NXPH1: variants seen among roughly 807,000 people sequenced by gnomAD.
NXPH1 encodes neurexophilin 1.
In NXPH1, 5 loss-of-function variants were observed where a neutral mutation model predicts 23.7. That is an observed-to-expected ratio of 0.21 (90% CI 0.11 to 0.44). The LOEUF is 0.44. Ranked by LOEUF, NXPH1 falls within the 20% of genes least tolerant of loss-of-function variation. The probability of loss-of-function intolerance (pLI) is 0.99; values close to 1 mark genes in which losing one functional copy is unlikely to be tolerated. For missense variants in NXPH1, 324 were observed against 321.6 expected (o/e 1.01, Z -0.06); for synonymous variants, 144 against 122.2 (o/e 1.18, Z -1.18).
intron 2 of NXPH1, among the ~76,000 whole-genome samples, chr7:8,438,547 T>C (rs1206077841): frequency 1.3e-5 from 2 of 152,228 alleles, no homozygotes; most frequent in African/African-American, 4.8e-5. Flanking sequence ...TCAGTGCACC[T>C]TGACCTTTAA....
rs1780493118 is a variant in NXPH1, at chr7:8,747,607, A to G, written c.55-3401A>G. 7.9e-5 allele frequency among the ~76,000 whole-genome samples: 12 copies of G among 152,234 alleles called. No individual in the cohort carries two copies. The South Asian group carries it at 2.5e-3, about 31-fold the overall frequency. On this transcript the variant is annotated intron_variant, in intron 2 of 2. Coordinates refer to ENST00000405863, the MANE Select transcript of NXPH1 (RefSeq NM_152745.3). ...ATTTATTCTTTTTGCCACACAAACA[A>G]TGGGAAACTGTCTAGATAATTCCAG...
At chr7:8,476,318 C>A (rs1056878821) in intron 2 of NXPH1, among the ~76,000 whole-genome samples, 7 of 152,194 alleles carry the variant, frequency 4.6e-5, no homozygotes, top group African/African-American at 1.7e-4. Context: ...AAGTTTCTTC[C>A]CTCAAACACT....
chr7:8,448,183 T>C (rs1341013454), intron 2 of NXPH1, among the ~76,000 whole-genome samples: 1 of 152,168 alleles, frequency 6.6e-6, no homozygotes, highest in Non-Finnish European at 1.5e-5. Context: ...ACTTGAAAAA[T>C]GGGGCTGACA....
chr7:8,647,743 G>C (rs1318234162), intron 2 of NXPH1, among the ~76,000 whole-genome samples: 1 of 147,894 alleles, frequency 6.8e-6, no homozygotes, highest in African/African-American at 2.5e-5. Flanking sequence ...TTGTGTGAAG[G>C]TTTTTAATCA....
At chr7:8,489,548 C>A (rs142978394) in intron 2 of NXPH1, among the ~76,000 whole-genome samples, 1 of 152,040 alleles carries the variant, frequency 6.6e-6, no homozygotes, top group Non-Finnish European at 1.5e-5. Flanking sequence ...TACTATTAAA[C>A]GGTTGATTCA....
chr7:8,453,672 A>G (rs1816543504), intron 2 of NXPH1, among the ~76,000 whole-genome samples: 1 of 152,114 alleles, frequency 6.6e-6, no homozygotes, highest in Non-Finnish European at 1.5e-5. Flanking sequence ...TGCTTTACAC[A>G]TAGTGGTTTT....
intron 2 of NXPH1, among the ~76,000 whole-genome samples, chr7:8,749,161 C>G (rs904097654): frequency 6.6e-6 from 1 of 152,188 alleles, no homozygotes; most frequent in East Asian, 1.9e-4. Context: ...CAAACATCAG[C>G]TTAGTATTCA....
At chr7:8,736,976 A>G (rs1337146412) in intron 2 of NXPH1, among the ~76,000 whole-genome samples, 3 of 145,946 alleles carry the variant, frequency 2.1e-5, no homozygotes, top group Non-Finnish European at 4.5e-5. Context: ...TATGCTTTCC[A>G]TTTGCTTGGT....
At chr7:8,538,869 A>T (rs769566633) in intron 2 of NXPH1, among the ~76,000 whole-genome samples, 1 of 151,952 alleles carries the variant, frequency 6.6e-6, no homozygotes, top group Non-Finnish European at 1.5e-5. Flanking sequence ...AGAAGGATGG[A>T]GAGGCATTTA....
At chr7:8,481,017 C>T (rs1817064359) in intron 2 of NXPH1, among the ~76,000 whole-genome samples, 1 of 152,164 alleles carries the variant, frequency 6.6e-6, no homozygotes, top group African/African-American at 2.4e-5. Flanking sequence ...TTCATTTGTA[C>T]ATCGGTGCTC....
chr7:8,733,212 C>A lies in NXPH1; in HGVS notation c.55-17796C>A, dbSNP rs553454706. Among the ~76,000 whole-genome samples, 5 of 152,300 alleles carry A rather than the reference C, an allele frequency of 3.3e-5. No individual in the cohort carries two copies. The South Asian group carries it at 1.0e-3, about 32-fold the overall frequency. ...GTCCCTGCAAAGGACATGAACTCATCCTTTTTTATAGCTGCATAGTATTCC... is the reference window on the plus strand; with the variant it reads ...GTCCCTGCAAAGGACATGAACTCATACTTTTTTATAGCTGCATAGTATTCC... On this transcript the variant is annotated intron_variant, in intron 2 of 2. Transcript: ENST00000405863.
chr7:8,453,363 C>A (rs898384931), intron 2 of NXPH1, among the ~76,000 whole-genome samples: 1 of 152,110 alleles, frequency 6.6e-6, no homozygotes, highest in Admixed American at 6.5e-5. Flanking sequence ...AAACATCAAA[C>A]ATGCACAATC....
At chr7:8,447,936 C>T (rs1178504206) in intron 2 of NXPH1, among the ~76,000 whole-genome samples, 2 of 152,180 alleles carry the variant, frequency 1.3e-5, no homozygotes, top group Non-Finnish European at 2.9e-5. Flanking sequence ...TATCATGGCA[C>T]CCAACCAGGT....
intron 2 of NXPH1, among the ~76,000 whole-genome samples, chr7:8,504,562 A>T (rs377389581): frequency 6.6e-6 from 1 of 152,050 alleles, no homozygotes; most frequent in East Asian, 1.9e-4. Context: ...TGGCTGGGAC[A>T]TGTTTTTGTC....
At chr7:8,641,849 T>G (rs1200446921) in intron 2 of NXPH1, among the ~76,000 whole-genome samples, 2 of 152,260 alleles carry the variant, frequency 1.3e-5, no homozygotes, top group Non-Finnish European at 2.9e-5. Flanking sequence ...GCCTAATTTT[T>G]CTTAGCTTAG....
intron 2 of NXPH1, among the ~76,000 whole-genome samples, chr7:8,636,820 G>T (rs1820224682): frequency 6.6e-6 from 1 of 152,118 alleles, no homozygotes; most frequent in African/African-American, 2.4e-5. Flanking sequence ...GTTAATTTGG[G>T]ATTCTTACTT....
chr7:8,463,965 T>A (rs1816735545), intron 2 of NXPH1, among the ~76,000 whole-genome samples: 3 of 152,222 alleles, frequency 2.0e-5, no homozygotes, highest in Admixed American at 2.0e-4. Context: ...TGATTCATAT[T>A]TCTATTCACA....
chr7:8,435,574 C>T lies in NXPH1; in HGVS notation c.-110-30C>T, dbSNP rs1816178549. Reference sequence around the variant, plus strand: ...TCAAGCCTAACCTTGCCCGCGTAGTCATGGGATGTCTAATTTTATTTGCAT... The same window carrying T: ...TCAAGCCTAACCTTGCCCGCGTAGTTATGGGATGTCTAATTTTATTTGCAT... On this transcript the variant is annotated intron_variant, in intron 1 of 2. Coordinates refer to ENST00000405863, the MANE Select transcript of NXPH1 (RefSeq NM_152745.3). The surrounding 1 kb of genome is among the most constrained non-coding windows in gnomAD (Gnocchi z 5.9). 2 of 762,296 alleles carry T rather than the reference C, an allele frequency of 2.6e-6. No individual in the cohort carries two copies. The highest frequency in any genetic ancestry group is 1.5e-5 in the South Asian group (1 of 65,412). The allele number at this position is 762,296 out of a possible 1,614,324, so 47.2% of individuals were successfully genotyped here.
At chr7:8,681,737 G>A (rs1032270837) in intron 2 of NXPH1, among the ~76,000 whole-genome samples, 3 of 152,190 alleles carry the variant, frequency 2.0e-5, no homozygotes, top group African/African-American at 7.2e-5. Context: ...TATTAGTACA[G>A]TGTGGCTGTT....
Sources: allele counts gnomAD v4.1 joint callset (sites outside exome capture counted in the v4.1 genomes callset), GRCh38; gene constraint gnomAD v4.1.1; non-coding constraint Gnocchi (gnomAD v3.1); transcripts MANE v1.5; gene names NCBI Gene and HGNC (gene_info 2026-07-23, HGNC 2026-07-21).